The following DPP6 variants were observed in gnomAD, a reference collection of about 807,000 sequenced individuals.
DPP6 encodes the protein dipeptidyl peptidase like 6, also known as A-type potassium channel modulatory protein DPP6.
In DPP6, 69 loss-of-function variants were observed where a neutral mutation model predicts 122.6. That is an observed-to-expected ratio of 0.56 (90% CI 0.46 to 0.69). DPP6 has a LOEUF of 0.69. Ranked by LOEUF, DPP6 falls within the 30% of genes least tolerant of loss-of-function variation. The pLI, the probability that DPP6 is intolerant of heterozygous loss-of-function variation, is 0.00. For missense variants in DPP6, 928 were observed against 1,116.9 expected (o/e 0.83, Z 2.41); for synonymous variants, 418 against 433.1 (o/e 0.97, Z 0.43).
Position 154,106,989 on chromosome 7 carries a change from G to A in DPP6, c.243+53926G>A, listed in dbSNP as rs1384064306. The stretch of plus-strand genomic sequence containing the variant: ...ACCCTCACACAGTGTTAGAGGGAAT[G>A]TGAGTTTTACAGCCATATGGAAAAT... On this transcript the variant is annotated intron_variant, in intron 1 of 25. Transcript: ENST00000377770. 7.2e-5 allele frequency among the ~76,000 whole-genome samples: 11 copies of A among 152,120 alleles called. No homozygotes were observed. In the East Asian group the frequency reaches 1.7e-3, roughly 24 times the overall value.
In DPP6 at chr7:154,483,840, G is replaced by T. The variant is rs193229674; in HGVS notation, c.457+8803G>T. Among the ~76,000 whole-genome samples, 56 of 152,144 alleles carry T rather than the reference G, an allele frequency of 3.7e-4. No homozygotes were observed. The highest frequency in any genetic ancestry group is 7.2e-4 in the Non-Finnish European group (49 of 68,034). Reference sequence around the variant, plus strand: ...CTCCCTAGTAGCTGGGATTACAGGTGCACACCATCACGCCTAGCTAATTTT... The same window carrying T: ...CTCCCTAGTAGCTGGGATTACAGGTTCACACCATCACGCCTAGCTAATTTT... On this transcript the variant is annotated intron_variant, in intron 3 of 25. Transcript: ENST00000377770. This position sits in a 1 kb window ranked among gnomAD's most constrained non-coding sequence, Gnocchi z 8.1.
chr7:154,419,524 G>T (rs187779630), intron 1 of DPP6, among the ~76,000 whole-genome samples: 1 of 152,264 alleles, frequency 6.6e-6, no homozygotes, highest in Admixed American at 6.5e-5. Context: ...TTGCATTTGC[G>T]GGGAGAGGCG....
At chr7:154,799,378 GC>G (rs1378441320) in intron 12 of DPP6, among the ~76,000 whole-genome samples, 16 of 152,218 alleles carry the variant, frequency 1.1e-4, no homozygotes, top group African/African-American at 3.4e-4. Context: ...AATCCCCCCT[GC>G]CACATACACA....
intron 7 of DPP6, among the ~76,000 whole-genome samples, chr7:154,679,787 C>G (rs566250821): frequency 1.3e-5 from 2 of 152,282 alleles, no homozygotes; most frequent in South Asian, 4.1e-4. Flanking sequence ...AGGTCTGTGA[C>G]AGTAGCCAAG....
intron 2 of DPP6, among the ~76,000 whole-genome samples, chr7:154,466,246 T>G (rs1355131425): frequency 1.3e-5 from 2 of 152,094 alleles, no homozygotes; most frequent in Non-Finnish European, 2.9e-5. Context: ...AGGAGAAATA[T>G]CTAATGTAGA....
intron 1 of DPP6, among the ~76,000 whole-genome samples, chr7:154,060,355 G>T (rs948999941): frequency 6.4e-5 from 8 of 125,160 alleles, no homozygotes; most frequent in South Asian, 5.3e-4. Flanking sequence ...CGCGAGGCAG[G>T]GACTGAGAGC....
At chr7:154,344,818 G>A (rs1329052085) in intron 1 of DPP6, among the ~76,000 whole-genome samples, 2 of 152,114 alleles carry the variant, frequency 1.3e-5, no homozygotes, top group Non-Finnish European at 2.9e-5. Context: ...AACCCAGGAG[G>A]CGGAGGTTGC....
At chr7:154,102,346 C>T (rs144506800) in intron 1 of DPP6, among the ~76,000 whole-genome samples, 4,613 of 152,040 alleles carry the variant, frequency 0.03, 215 homozygotes, top group African/African-American at 0.1. Flanking sequence ...CACACCAATA[C>T]GCCCAGCTAA....
At chr7:153,872,950 G>A in the DPP6 span, among the ~76,000 whole-genome samples, 3 of 152,120 alleles carry the variant, frequency 2.0e-5, no homozygotes, top group African/African-American at 7.2e-5. Context: ...AGTCCATTTT[G>A]CACTGCTACA....
chr7:154,757,986 G>A lies in DPP6; in HGVS notation c.884-11431G>A, dbSNP rs201378951. ...GCGCTCTCCCCCCCGCCCTCTCCCC[G>A]CCGCCCTCTCCCGCCACGCACGGCC... On this transcript the variant is annotated intron_variant, in intron 8 of 25. Coordinates refer to ENST00000377770, the MANE Select transcript of DPP6 (RefSeq NM_130797.4). Among the ~76,000 whole-genome samples the A allele has an allele frequency of 1.3e-4, 19 of 144,094 alleles. No homozygotes were observed. The East Asian group carries it at 2.2e-3, about 16-fold the overall frequency. The allele number at this position is 144,094 out of a possible 152,430, so 94.5% of individuals were successfully genotyped here. A position where few individuals can be genotyped will look rare whatever the true frequency, so the allele number is the denominator to read the frequency against.
the DPP6 span, among the ~76,000 whole-genome samples, chr7:153,855,447 C>G: frequency 2.2e-4 from 33 of 152,186 alleles, 1 homozygote; most frequent in Non-Finnish European, 4.4e-5. Context: ...AAATAATCCA[C>G]TGCGTGAACT....
intron 5 of DPP6, among the ~76,000 whole-genome samples, chr7:154,621,517 T>TGC (rs1834661007): frequency 1.3e-5 from 2 of 151,824 alleles, no homozygotes; most frequent in Admixed American, 6.6e-5. Flanking sequence ...TACAGGCTCA[T>TGC]GCCACCACAC....
chr7:153,928,886 G>A (rs1050451783), intron 1 of DPP6, among the ~76,000 whole-genome samples: 9 of 152,158 alleles, frequency 5.9e-5, no homozygotes, highest in Admixed American at 2.6e-4. Flanking sequence ...AGTCCATGCC[G>A]AGGGAGCAAC....
At chr7:154,186,086 T>C (rs1390995305) in intron 1 of DPP6, among the ~76,000 whole-genome samples, 2 of 152,252 alleles carry the variant, frequency 1.3e-5, no homozygotes, top group East Asian at 1.9e-4. Flanking sequence ...CTTAGTGCCC[T>C]GTATTACCCA....
intron 7 of DPP6, among the ~76,000 whole-genome samples, chr7:154,692,263 G>A (rs1839973405): frequency 6.6e-6 from 1 of 152,184 alleles, no homozygotes; most frequent in Non-Finnish European, 1.5e-5. Context: ...AAGCCTATTA[G>A]CTTTTTCGAC....
intron 5 of DPP6, among the ~76,000 whole-genome samples, chr7:154,593,395 A>G (rs1203253592): frequency 6.6e-6 from 1 of 152,194 alleles, no homozygotes; most frequent in Non-Finnish European, 1.5e-5. Context: ...TTTTCTACGA[A>G]TCTTTGAAAA....
At chr7:154,840,063 C>A (rs1051469717) in intron 16 of DPP6, among the ~76,000 whole-genome samples, 1 of 152,076 alleles carries the variant, frequency 6.6e-6, no homozygotes. Flanking sequence ...GACTTCCATT[C>A]AAAAAACGGG....
At chr7:154,655,728 G>C (rs1215349509) in intron 6 of DPP6, among the ~76,000 whole-genome samples, 2 of 152,222 alleles carry the variant, frequency 1.3e-5, no homozygotes, top group Non-Finnish European at 2.9e-5. Flanking sequence ...GTGCAAGGTG[G>C]GGCCAGGGAC....
In DPP6 at chr7:154,077,404, G is replaced by A. The variant is rs560879946; in HGVS notation, c.243+24341G>A. Among the ~76,000 whole-genome samples, 122 of 152,260 alleles carry A rather than the reference G, an allele frequency of 8.0e-4. 2 individuals carry two copies. Among genetic ancestry groups the A allele is most frequent in the Non-Finnish European group, 1.1e-3 (76 of 68,010 alleles). ...CCATAAAAACTTTCAGTATCATTAT[G>A]TACTGAAGTACTCCTTATTTATAGT... is the stretch of plus-strand genomic sequence containing the variant. On this transcript the variant is annotated intron_variant, in intron 1 of 25. Coordinates refer to ENST00000377770, the MANE Select transcript of DPP6 (RefSeq NM_130797.4).
Sources: gnomAD v4.1 joint callset for allele counts (sites outside exome capture counted in the v4.1 genomes callset) on GRCh38, gnomAD v4.1.1 for gene constraint, Gnocchi (gnomAD v3.1) non-coding constraint, MANE v1.5 for transcripts, NCBI Gene and HGNC (gene_info 2026-07-23, HGNC 2026-07-21) for gene names.